PCDHA6: variants seen among roughly 807,000 people sequenced by gnomAD.
The protein encoded by PCDHA6 is protocadherin alpha 6, also known as protocadherin alpha-6.
Under a neutral mutation model 60.3 loss-of-function variants are expected in PCDHA6, and 55 were observed. The observed-to-expected ratio is 0.91, with a 90% CI of 0.73 to 1.14. PCDHA6 has a LOEUF of 1.14. Ranked by LOEUF, PCDHA6 falls within the 50% of genes most tolerant of loss-of-function variation. The pLI is 0.00. For missense variants in PCDHA6, 1,327 were observed against 1,256.5 expected, an observed-to-expected ratio of 1.06 and a Z score of -0.85; for synonymous variants, 652 against 557.9, an observed-to-expected ratio of 1.17 and a Z score of -2.38.
intron 1 of PCDHA6, chr5:140,927,342 T>C: frequency 6.2e-7 from 1 of 1,614,160 alleles, no homozygotes; most frequent in Non-Finnish European, 8.5e-7. Context: ...ATGCCCAAGA[T>C]GACGACGAGG....
At chr5:140,888,436 G>A (rs782695641) in intron 1 of PCDHA6, among the ~76,000 whole-genome samples, 5 of 152,104 alleles carry the variant, frequency 3.3e-5, no homozygotes, top group Non-Finnish European at 7.4e-5. Flanking sequence ...CAGGACAGCC[G>A]CCCAACAATA....
intron 3 of PCDHA6, among the ~76,000 whole-genome samples, chr5:140,999,159 G>T (rs1056236953): frequency 6.6e-6 from 1 of 152,182 alleles, no homozygotes; most frequent in Non-Finnish European, 1.5e-5. Flanking sequence ...CAGTCCCCTA[G>T]AAGGAAAAGA....
At chr5:140,978,397 C>G (rs2096799745) in intron 1 of PCDHA6, among the ~76,000 whole-genome samples, 1 of 152,080 alleles carries the variant, frequency 6.6e-6, no homozygotes, top group Non-Finnish European at 1.5e-5. Flanking sequence ...CCCTAGTATC[C>G]CTCTTCAATC....
chr5:140,956,852 G>A (rs931766503), intron 1 of PCDHA6, among the ~76,000 whole-genome samples: 1 of 152,062 alleles, frequency 6.6e-6, no homozygotes. Flanking sequence ...TGGGTTAAAT[G>A]GTTGAATGAA....
At chr5:140,852,693 C>G in intron 1 of PCDHA6, 2 of 973,482 alleles carry the variant, frequency 2.1e-6, no homozygotes, top group Non-Finnish European at 2.5e-6. Flanking sequence ...TAGTCTTATA[C>G]TTTCAAGTAT....
intron 1 of PCDHA6, chr5:140,876,188 G>T: frequency 6.2e-7 from 1 of 1,613,944 alleles, no homozygotes; most frequent in South Asian, 1.1e-5. Flanking sequence ...AATGACAATG[G>T]TCCGGCGTTT....
chr5:140,906,303 A>G (rs1195275228), intron 1 of PCDHA6, among the ~76,000 whole-genome samples: 5 of 152,220 alleles, frequency 3.3e-5, no homozygotes, highest in Non-Finnish European at 7.3e-5. Flanking sequence ...ATAAGGTCAT[A>G]ATTATTCCCA....
rs1770238655 is a variant in PCDHA6 at position 140,829,343 on chromosome 5, G to A, written c.1252G>A (p.Val418Met). The A allele has an allele frequency of 6.2e-6, 10 of 1,614,126 alleles. No individual in the cohort carries two copies. The highest frequency in any genetic ancestry group is 1.1e-5 in the South Asian group (1 of 91,092). The change falls in exon 1 of 4, where the codon GTG becomes ATG. Residue 418 changes from valine (V) to methionine (M), a missense_variant. Coordinates refer to ENST00000529310, the MANE Select transcript of PCDHA6 (RefSeq NM_018909.4). Reference protein sequence around the residue: ...VLDSALDRESVSAYELVVTAR... With the variant: ...VLDSALDRESMSAYELVVTAR... ...GGACAGTGCCCTGGACCGCGAGAGC[G>A]TGTCGGCCTATGAGTTGGTGGTAAC...
intron 1 of PCDHA6, among the ~76,000 whole-genome samples, chr5:140,976,553 A>G (rs1554237789): frequency 1.3e-5 from 2 of 152,074 alleles, no homozygotes; most frequent in Non-Finnish European, 2.9e-5. Context: ...CCTATCTCAT[A>G]AATAAATAAA....
At chr5:140,946,277 AT>A (rs1554217463) in intron 1 of PCDHA6, among the ~76,000 whole-genome samples, 1 of 152,068 alleles carries the variant, frequency 6.6e-6, no homozygotes, top group Non-Finnish European at 1.5e-5. Flanking sequence ...TAAAACCCCA[AT>A]GAGATATCAC....
chr5:140,969,631 G>C (rs1554231956), intron 1 of PCDHA6: 1 of 227,796 alleles, frequency 4.4e-6, no homozygotes, highest in Non-Finnish European at 7.3e-6. Flanking sequence ...AAACAGGACA[G>C]GCCTTGGAAT....
intron 1 of PCDHA6, chr5:140,870,180 A>G: frequency 1.2e-6 from 2 of 1,614,112 alleles, no homozygotes; most frequent in Non-Finnish European, 8.5e-7. Context: ...TCCCAGTACG[A>G]GAGGACGCTC....
At chr5:140,970,221 C>G (rs2096390879) in intron 1 of PCDHA6, among the ~76,000 whole-genome samples, 1 of 152,182 alleles carries the variant, frequency 6.6e-6, no homozygotes, top group South Asian at 2.1e-4. Context: ...TTAAATGCAG[C>G]CTGTAATCTT....
At chr5:140,936,351 T>C (rs2090932385) in intron 1 of PCDHA6, among the ~76,000 whole-genome samples, 1 of 152,246 alleles carries the variant, frequency 6.6e-6, no homozygotes, top group African/African-American at 2.4e-5. Flanking sequence ...ATATATGGAA[T>C]GTGTAGCTAC....
intron 1 of PCDHA6, among the ~76,000 whole-genome samples, chr5:140,917,241 C>G (rs1383271236): frequency 6.7e-6 from 1 of 150,002 alleles, no homozygotes; most frequent in Non-Finnish European, 1.5e-5. Context: ...AATCTAGGTA[C>G]TACGATTGCT....
At chr5:140,988,556 C>G (rs574182013) in intron 3 of PCDHA6, among the ~76,000 whole-genome samples, 2 of 152,158 alleles carry the variant, frequency 1.3e-5, no homozygotes, top group Non-Finnish European at 2.9e-5. Flanking sequence ...TCTTCATCTT[C>G]TTCTTGGGAA....
At chr5:140,995,025 C>A (rs1304675289) in intron 3 of PCDHA6, among the ~76,000 whole-genome samples, 1 of 152,146 alleles carries the variant, frequency 6.6e-6, no homozygotes, top group Non-Finnish European at 1.5e-5. Context: ...AAAGAAGATT[C>A]TTTTAAGTTT....
chr5:140,917,231 A>G (rs2077963769), intron 1 of PCDHA6, among the ~76,000 whole-genome samples: 1 of 151,360 alleles, frequency 6.6e-6, no homozygotes, highest in Admixed American at 6.6e-5. Context: ...TACGTTGTTA[A>G]ATCTAGGTAC....
chr5:140,870,704 T>C (rs782770549), intron 1 of PCDHA6: 1 of 1,612,984 alleles, frequency 6.2e-7, no homozygotes, highest in Non-Finnish European at 8.5e-7. Flanking sequence ...CAGTTCCAGG[T>C]GAGCGCGCGC....
Sources: gnomAD v4.1 joint callset for allele counts (sites outside exome capture counted in the v4.1 genomes callset) on GRCh38, gnomAD v4.1.1 for gene constraint, MANE v1.5 for transcripts, NCBI Gene and HGNC (gene_info 2026-07-23, HGNC 2026-07-21) for gene names.